SYNE2: variants seen among roughly 807,000 people sequenced by gnomAD.
SYNE2 encodes the protein spectrin repeat containing nuclear envelope protein 2, also known as nesprin-2.
A neutral mutation model predicts 856.3 loss-of-function variants in SYNE2; 431 were observed. The observed-to-expected ratio is 0.50, with a 90% confidence interval of 0.47 to 0.55. SYNE2 has a LOEUF of 0.55. Among genes scored for constraint, SYNE2 ranks in the 20% least tolerant of loss-of-function variants. The probability of loss-of-function intolerance (pLI) is 0.00; values close to 1 mark genes in which losing one functional copy is unlikely to be tolerated. For missense variants in SYNE2, 8,129 were observed against 8,023.2 expected, an observed-to-expected ratio of 1.01 and a Z score of -0.50; for synonymous variants, 2,923 against 2,872.3, an observed-to-expected ratio of 1.02 and a Z score of -0.56.
At chr14:63,933,571 CAAGGATGATAATT>C (rs2095793082) in intron 2 of SYNE2, among the ~76,000 whole-genome samples, 2 of 152,074 alleles carry the variant, frequency 1.3e-5, no homozygotes, top group Non-Finnish European at 2.9e-5. Context: ...AAATATTTTT[CAAGGATGATAATT>C]AAGGATACTC....
chr14:64,210,432 C>T (rs939529192), intron 103 of SYNE2, among the ~76,000 whole-genome samples: 5 of 152,312 alleles, frequency 3.3e-5, no homozygotes, highest in African/African-American at 4.8e-5. Context: ...GGCGCCGCTT[C>T]GCTGGGTCTG....
intron 85 of SYNE2, among the ~76,000 whole-genome samples, chr14:64,154,465 A>G (rs538599039): frequency 6.6e-6 from 1 of 152,302 alleles, no homozygotes; most frequent in African/African-American, 2.4e-5. Flanking sequence ...ATTTATCACA[A>G]CTTGATAATA....
At chr14:64,123,848 A>G (rs910072824) in intron 70 of SYNE2, among the ~76,000 whole-genome samples, 3 of 151,830 alleles carry the variant, frequency 2.0e-5, no homozygotes, top group Non-Finnish European at 4.4e-5. Flanking sequence ...TGTTATTACT[A>G]AACTGAAAGA....
intron 1 of SYNE2, among the ~76,000 whole-genome samples, chr14:63,823,094 A>G (rs891642436): frequency 2.0e-5 from 3 of 152,050 alleles, no homozygotes; most frequent in Non-Finnish European, 4.4e-5. Context: ...GCAGAGCGAG[A>G]TCCTGTCTCT....
At chr14:63,861,890 A>G (rs1183234606) in intron 1 of SYNE2, among the ~76,000 whole-genome samples, 1 of 152,248 alleles carries the variant, frequency 6.6e-6, no homozygotes, top group Non-Finnish European at 1.5e-5. Flanking sequence ...AATTGGACTT[A>G]AAAAACTTTA....
At chr14:64,136,833 AC>A (rs2098095605) in intron 78 of SYNE2, among the ~76,000 whole-genome samples, 1 of 152,172 alleles carries the variant, frequency 6.6e-6, no homozygotes, top group African/African-American at 2.4e-5. Flanking sequence ...TATCTAAGTC[AC>A]CATCTGAAGT....
rs112472962 is a variant in SYNE2 at position 64,182,241 on chromosome 14, C to T, written c.17557-4183C>T. 9.9e-5 allele frequency among the ~76,000 whole-genome samples: 15 copies of T among 152,078 alleles called. 1 individual carries two copies. The highest frequency in any genetic ancestry group is 3.1e-4 in the African/African-American group (13 of 41,494). On this transcript the variant is annotated intron_variant, in intron 96 of 115. Coordinates refer to ENST00000555002, the MANE Select transcript of SYNE2 (RefSeq NM_182914.3). ...ACTTGAAATTTTACATCCCATGTTA[C>T]GTAAAAAATTGGAAATTTTCAGGTA...
At chr14:64,059,572 A>G (rs1057245176) in intron 49 of SYNE2, among the ~76,000 whole-genome samples, 3 of 152,222 alleles carry the variant, frequency 2.0e-5, no homozygotes, top group Admixed American at 1.3e-4. Context: ...GGGTGACACA[A>G]GCACCCTTGT....
chr14:63,937,384 T>C (rs180871699), intron 2 of SYNE2, among the ~76,000 whole-genome samples: 2 of 152,244 alleles, frequency 1.3e-5, no homozygotes, highest in East Asian at 3.9e-4. Flanking sequence ...GGGAAGACGA[T>C]GATACGGAAG....
At chr14:64,043,728 G>A (rs543089769) in intron 45 of SYNE2, among the ~76,000 whole-genome samples, 1 of 152,352 alleles carries the variant, frequency 6.6e-6, no homozygotes, top group South Asian at 2.1e-4. Context: ...CCTCTGCCTA[G>A]ATTTCTGAAT....
intron 45 of SYNE2, among the ~76,000 whole-genome samples, chr14:64,038,476 G>A (rs1479257065): frequency 1.3e-5 from 2 of 152,228 alleles, no homozygotes; most frequent in South Asian, 2.1e-4. Flanking sequence ...GGCACTTTGG[G>A]AGGCCAAGGC....
chr14:64,080,244 A>T (rs1310211868), intron 55 of SYNE2, among the ~76,000 whole-genome samples: 1 of 152,198 alleles, frequency 6.6e-6, no homozygotes, highest in East Asian at 1.9e-4. Flanking sequence ...ATTTGTAGTG[A>T]AATGAATACA....
At chr14:63,913,466 C>CTTTCTTTTTTTTTTTT (rs551498099) in intron 2 of SYNE2, among the ~76,000 whole-genome samples, 1 of 139,600 alleles carries the variant, frequency 7.2e-6, no homozygotes, top group African/African-American at 2.6e-5. Flanking sequence ...TTCTTTCTTT[C>CTTTCTTTTTTTTTTTT]TTTTTTTTTT....
intron 1 of SYNE2, among the ~76,000 whole-genome samples, chr14:63,816,649 T>G (rs908843245): frequency 6.6e-6 from 1 of 151,326 alleles, no homozygotes; most frequent in African/African-American, 2.5e-5. Context: ...AGGAATATTC[T>G]TCTCTCTGAA....
At chr14:64,153,022 C>T (rs1411845667) in intron 85 of SYNE2, among the ~76,000 whole-genome samples, 1 of 152,200 alleles carries the variant, frequency 6.6e-6, no homozygotes, top group Non-Finnish European at 1.5e-5. Flanking sequence ...GAGTATCTGG[C>T]ATTGTTTCCT....
intron 66 of SYNE2, among the ~76,000 whole-genome samples, chr14:64,114,147 A>G (rs142368421): frequency 1.2e-3 from 189 of 152,304 alleles, no homozygotes; most frequent in African/African-American, 4.2e-3. Context: ...TTTTACTAGG[A>G]ATGCCCTGGG....
chr14:64,203,708 C>T (rs2098590627), intron 100 of SYNE2, among the ~76,000 whole-genome samples: 1 of 151,924 alleles, frequency 6.6e-6, no homozygotes, highest in Admixed American at 6.5e-5. Flanking sequence ...AGCTTTTGTT[C>T]ACCTGTTTTT....
chr14:64,126,209 AACTTATT>A (rs2097943446), intron 71 of SYNE2, 111 bp from the exon 72 acceptor site: 1 of 878,242 alleles, frequency 1.1e-6, no homozygotes, highest in Admixed American at 2.2e-5. Context: ...CGTTTGAAGC[AACTTATT>A]ACAAAAGAAG....
intron 46 of SYNE2, chr14:64,048,390 T>C: frequency 2.9e-6 from 1 of 340,828 alleles, no homozygotes; most frequent in South Asian, 5.5e-5. Context: ...ACAAAGTTCC[T>C]AAAGACTTAG....
Sources: allele counts gnomAD v4.1 joint callset (sites outside exome capture counted in the v4.1 genomes callset), GRCh38; gene constraint gnomAD v4.1.1; transcripts MANE v1.5; gene names NCBI Gene and HGNC (gene_info 2026-07-23, HGNC 2026-07-21).